CPAP: variants seen among roughly 807,000 people sequenced by gnomAD.
The protein encoded by CPAP is centrosomal P4.1-associated protein.
At chr13:24,909,683 C>A in the CPAP span, 1 of 1,058,350 alleles carries the variant, frequency 9.4e-7, no homozygotes, top group East Asian at 2.6e-5. Context: ...CACGGCAACA[C>A]TCCATCTCTG....
At chr13:24,915,073 T>C in the CPAP span, among the ~76,000 whole-genome samples, 1 of 150,270 alleles carries the variant, frequency 6.7e-6, no homozygotes, top group Non-Finnish European at 1.5e-5. Context: ...AGACTCTCTC[T>C]CAAAAAATAA....
the CPAP span, among the ~76,000 whole-genome samples, chr13:24,907,451 G>C: frequency 2.0e-5 from 3 of 152,070 alleles, no homozygotes; most frequent in African/African-American, 7.2e-5. Context: ...TTAACACATG[G>C]AGTAACATAT....
At chr13:24,906,734 T>C in the CPAP span, 1 of 1,614,170 alleles carries the variant, frequency 6.2e-7, no homozygotes, top group East Asian at 2.2e-5. Context: ...AAGGATAGGG[T>C]TGTCTGCACA....
chr13:24,897,972 T>C, the CPAP span, among the ~76,000 whole-genome samples: 1 of 152,358 alleles, frequency 6.6e-6, no homozygotes, highest in East Asian at 1.9e-4. Context: ...CTTGGCTTAC[T>C]GCAACCTCCT....
At chr13:24,921,782 GCAGTCTTGGGATGCAGCAGC>G in the CPAP span, among the ~76,000 whole-genome samples, 1 of 152,102 alleles carries the variant, frequency 6.6e-6, no homozygotes, top group African/African-American at 2.4e-5. Flanking sequence ...ACAAGTGCAA[GCAGTCTTGGGATGCAGCAGC>G]CAGACTTTTG....
the CPAP span, chr13:24,882,581 C>CAT: frequency 6.4e-3 from 979 of 153,598 alleles, 4 homozygotes; most frequent in Non-Finnish European, 9.9e-3. Flanking sequence ...CATTTTGAGA[C>CAT]ATTACATTAC....
At chr13:24,918,929 G>A in the CPAP span, among the ~76,000 whole-genome samples, 1 of 151,940 alleles carries the variant, frequency 6.6e-6, no homozygotes, top group African/African-American at 2.4e-5. Flanking sequence ...AGTCACCTGT[G>A]TCAGAACTAA....
chr13:24,930,932 AGTGTATAAGCATTTCCTTTTCTCTGC>A, the CPAP span, among the ~76,000 whole-genome samples: 5 of 152,224 alleles, frequency 3.3e-5, no homozygotes, highest in African/African-American at 1.2e-4. Context: ...CCCCACCAAC[AGTGTATAAGCATTTCCTTTTCTCTGC>A]ACCCTTGCCA....
chr13:24,909,706 T>C, the CPAP span: 1 of 1,316,866 alleles, frequency 7.6e-7, no homozygotes, highest in Non-Finnish European at 1.1e-6. Context: ...AAAATAATTT[T>C]TAAAGAAAAA....
chr13:24,911,154 A>G, the CPAP span, among the ~76,000 whole-genome samples: 60 of 152,224 alleles, frequency 3.9e-4, no homozygotes, highest in Admixed American at 3.9e-3. Flanking sequence ...ATATAGAACT[A>G]GAATAAACAA....
the CPAP span, chr13:24,912,507 T>G: frequency 3.9e-6 from 5 of 1,289,302 alleles, no homozygotes; most frequent in South Asian, 6.2e-5. Flanking sequence ...CAAGAAGACC[T>G]AGAACAAATG....
the CPAP span, chr13:24,906,389 T>C: frequency 1.1e-5 from 17 of 1,612,710 alleles, no homozygotes; most frequent in Non-Finnish European, 1.4e-5. Flanking sequence ...AAGAGAAGAT[T>C]CAGACTCTTT....
chr13:24,894,694 C>T, the CPAP span, among the ~76,000 whole-genome samples: 1 of 151,828 alleles, frequency 6.6e-6, no homozygotes, highest in Non-Finnish European at 1.5e-5. Context: ...AGGCTGGGGG[C>T]AGAACGCGCG....
the CPAP span, among the ~76,000 whole-genome samples, chr13:24,918,046 C>T: frequency 2.6e-5 from 4 of 152,264 alleles, no homozygotes; most frequent in South Asian, 8.3e-4. Flanking sequence ...GACAGTCAAG[C>T]CATAGCAGGA....
At chr13:24,896,932 GTA>G in the CPAP span, among the ~76,000 whole-genome samples, 1 of 152,186 alleles carries the variant, frequency 6.6e-6, no homozygotes, top group South Asian at 2.1e-4. Flanking sequence ...ACTGGTTCAA[GTA>G]TATGTCTTGT....
At chr13:24,884,694 A>G in the CPAP span, among the ~76,000 whole-genome samples, 1 of 152,146 alleles carries the variant, frequency 6.6e-6, no homozygotes, top group African/African-American at 2.4e-5. Flanking sequence ...CTTATCAACA[A>G]TTTGTTACCC....
chr13:24,892,219 G>A, the CPAP span, among the ~76,000 whole-genome samples: 5 of 152,166 alleles, frequency 3.3e-5, no homozygotes, highest in South Asian at 2.1e-4. Context: ...AGTGTCATAT[G>A]CGTGCCACTC....
chr13:24,929,419 G>A, the CPAP span, among the ~76,000 whole-genome samples: 1 of 152,318 alleles, frequency 6.6e-6, no homozygotes, highest in East Asian at 1.9e-4. Flanking sequence ...TTGCCAGTTT[G>A]TTTGTTTTCT....
At chr13:24,909,740 A>T in the CPAP span, 1 of 1,524,942 alleles carries the variant, frequency 6.6e-7, no homozygotes, top group Non-Finnish European at 9.0e-7. Context: ...TCATCTTAGG[A>T]CAACTTAGTA....
Sources: gnomAD v4.1 joint callset for allele counts (sites outside exome capture counted in the v4.1 genomes callset) on GRCh38, gnomAD v4.1.1 for gene constraint, MANE v1.5 for transcripts, NCBI Gene and HGNC (gene_info 2026-07-23, HGNC 2026-07-21) for gene names.